CNTN5: variants seen among roughly 807,000 people sequenced by gnomAD.
CNTN5 encodes contactin-5.
CNTN5 carries 77 observed loss-of-function variants against 129.1 expected under a neutral mutation model. The ratio of observed to expected loss-of-function variants is 0.60; its 90% confidence interval spans 0.50 to 0.72. CNTN5 has a LOEUF of 0.72. Ranked by LOEUF, CNTN5 falls within the 30% of genes least tolerant of loss-of-function variation. The pLI is 0.00. For missense variants in CNTN5, 1,478 were observed against 1,328.8 expected (o/e 1.11, Z -1.75); for synonymous variants, 509 against 465.6 (o/e 1.09, Z -1.20).
At chr11:99,342,571 C>CAAAAAAAAAAAAAAAAAAAA (rs58710723) in intron 2 of CNTN5, among the ~76,000 whole-genome samples, 5 of 24,514 alleles carry the variant, frequency 2.0e-4, no homozygotes, top group Non-Finnish European at 2.6e-4. Context: ...CCCGTTATCT[C>CAAAAAAAAAAAAAAAAAAAA]AAAAAAAAAA....
At chr11:99,661,303 T>G (rs1436765889) in intron 3 of CNTN5, among the ~76,000 whole-genome samples, 1 of 152,180 alleles carries the variant, frequency 6.6e-6, no homozygotes, top group East Asian at 1.9e-4. Context: ...CTGATACATA[T>G]CTTTGCTGCA....
At chr11:99,328,881 A>G (rs1418837459) in intron 2 of CNTN5, among the ~76,000 whole-genome samples, 11 of 143,516 alleles carry the variant, frequency 7.7e-5, no homozygotes, top group Non-Finnish European at 1.5e-4. Context: ...AAAAAAAAAA[A>G]AAAAAAAGAA....
chr11:99,877,344 T>G (rs1211831403), intron 6 of CNTN5, among the ~76,000 whole-genome samples: 4 of 152,154 alleles, frequency 2.6e-5, no homozygotes, highest in Non-Finnish European at 4.4e-5. Flanking sequence ...AATCTAGTCT[T>G]TCAAAGACAT....
intron 6 of CNTN5, among the ~76,000 whole-genome samples, chr11:99,903,220 C>A (rs1405233444): frequency 6.6e-6 from 1 of 151,768 alleles, no homozygotes; most frequent in Admixed American, 6.6e-5. Flanking sequence ...TTTGGCAGAG[C>A]AAAACACTCA....
Position 99,472,641 on chromosome 11 carries a change from C to T in CNTN5, c.-70-83504C>T, listed in dbSNP as rs143086197. 1.0e-3 allele frequency among the ~76,000 whole-genome samples: 154 copies of T among 152,210 alleles called. 1 individual carries two copies. Among genetic ancestry groups the T allele is most frequent in the African/African-American group, 3.2e-3 (133 of 41,556 alleles). On this transcript the variant is annotated intron_variant, in intron 2 of 24. Transcript: ENST00000524871. ...TTGATGTATTGGAAATGGAAACATA[C>T]ATGCATTAGCATATTTCTTTCCTTC...
chr11:99,926,395 C>T (rs1190189360), intron 7 of CNTN5, among the ~76,000 whole-genome samples: 1 of 152,088 alleles, frequency 6.6e-6, no homozygotes, highest in African/African-American at 2.4e-5. Context: ...TTCAGGAGAC[C>T]TCTTTATCCT....
intron 2 of CNTN5, among the ~76,000 whole-genome samples, chr11:99,452,843 A>G (rs1479733414): frequency 6.6e-6 from 1 of 152,210 alleles, no homozygotes; most frequent in African/African-American, 2.4e-5. Context: ...ATTATCAGGT[A>G]CATACTTTAT....
chr11:99,435,450 GAC>G (rs1425889326), intron 2 of CNTN5, among the ~76,000 whole-genome samples: 2 of 152,164 alleles, frequency 1.3e-5, no homozygotes, highest in African/African-American at 4.8e-5. Context: ...CACTAGCAGT[GAC>G]AGGGAGAGCT....
At chr11:99,577,486 T>G (rs1320705030) in intron 3 of CNTN5, among the ~76,000 whole-genome samples, 4 of 152,206 alleles carry the variant, frequency 2.6e-5, no homozygotes, top group Non-Finnish European at 5.9e-5. Context: ...CGTACAGAGT[T>G]ATGACATTTA....
At chr11:99,671,148 G>GTT (rs1555071209) in intron 3 of CNTN5, among the ~76,000 whole-genome samples, 26 of 125,736 alleles carry the variant, frequency 2.1e-4, no homozygotes, top group Non-Finnish European at 3.6e-4. Context: ...TGTAGATTGA[G>GTT]TTTTTTTTTT....
intron 3 of CNTN5, among the ~76,000 whole-genome samples, chr11:99,800,809 G>T (rs1032613244): frequency 2.6e-5 from 4 of 152,110 alleles, no homozygotes; most frequent in Admixed American, 6.5e-5. Context: ...ACCTGTGGGT[G>T]TTGTTTCATG....
At chr11:100,109,917 G>A (rs1054269819) in intron 13 of CNTN5, among the ~76,000 whole-genome samples, 6 of 152,226 alleles carry the variant, frequency 3.9e-5, no homozygotes, top group Admixed American at 2.0e-4. Flanking sequence ...GGTGGCTCAT[G>A]CCTGTAATCC....
chr11:99,737,916 A>G (rs1943763342), intron 3 of CNTN5, among the ~76,000 whole-genome samples: 1 of 152,176 alleles, frequency 6.6e-6, no homozygotes, highest in Non-Finnish European at 1.5e-5. Context: ...ACCATGAACT[A>G]TATTTTCATA....
intron 9 of CNTN5, among the ~76,000 whole-genome samples, chr11:100,038,361 A>G (rs1344444391): frequency 6.6e-6 from 1 of 151,986 alleles, no homozygotes; most frequent in Non-Finnish European, 1.5e-5. Flanking sequence ...GTTCTTTTAC[A>G]TTTGCTGAGG....
intron 3 of CNTN5, among the ~76,000 whole-genome samples, chr11:99,759,092 C>T (rs978302951): frequency 1.3e-5 from 2 of 151,940 alleles, no homozygotes; most frequent in Non-Finnish European, 2.9e-5. Flanking sequence ...ATCCACATAG[C>T]AACTCTATAA....
intron 3 of CNTN5, among the ~76,000 whole-genome samples, chr11:99,675,805 G>C (rs1953255068): frequency 6.6e-6 from 1 of 152,116 alleles, no homozygotes; most frequent in African/African-American, 2.4e-5. Context: ...TGTTATATGG[G>C]TACTAAATTG....
intron 13 of CNTN5, among the ~76,000 whole-genome samples, chr11:100,124,102 T>C (rs542573993): frequency 4.3e-4 from 66 of 152,132 alleles, no homozygotes; most frequent in African/African-American, 1.6e-3. Context: ...CAATATCTTT[T>C]TCAGTATTTC....
At chr11:99,631,515 TTA>T (rs1392297742) in intron 3 of CNTN5, among the ~76,000 whole-genome samples, 4 of 152,126 alleles carry the variant, frequency 2.6e-5, no homozygotes, top group Non-Finnish European at 4.4e-5. Flanking sequence ...AAACTGTTTA[TTA>T]TAGACTAAAG....
At position 99,229,632 on chromosome 11, in the gene CNTN5, T is replaced by C. The variant is rs188828280; in HGVS notation, c.-209-95714T>C. 4.6e-4 allele frequency among the ~76,000 whole-genome samples: 69 copies of C among 150,868 alleles called. 1 individual carries two copies. Among genetic ancestry groups the C allele is most frequent in the Non-Finnish European group, 2.9e-5 (2 of 67,808 alleles). ...AGCCGTAATTGTTACTCAGAACACA[T>C]AAGGAGAGCGTGATTTTAAACATTT... On this transcript the variant is annotated intron_variant, in intron 1 of 24. Coordinates refer to ENST00000524871, the MANE Select transcript of CNTN5 (RefSeq NM_014361.4).
Sources: allele counts gnomAD v4.1 joint callset (sites outside exome capture counted in the v4.1 genomes callset), GRCh38; gene constraint gnomAD v4.1.1; transcripts MANE v1.5; gene names NCBI Gene and HGNC (gene_info 2026-07-23, HGNC 2026-07-21).